Variants in PTPRU observed in about 807,000 individuals in gnomAD.
PTPRU encodes the protein receptor-type tyrosine-protein phosphatase U.
In PTPRU, 69 loss-of-function variants were observed where a neutral mutation model predicts 166.3. That is an observed-to-expected ratio of 0.41 (90% confidence interval 0.34 to 0.51). The LOEUF is 0.51. Ranked by LOEUF, PTPRU falls within the 20% of genes least tolerant of loss-of-function variation. PTPRU has a pLI of 0.09. For missense variants in PTPRU, 1,657 were observed against 2,013.7 expected (o/e 0.82, Z 3.39); for synonymous variants, 793 against 814.0 (o/e 0.97, Z 0.44).
chr1:29,249,441 C>T (rs1366583053), intron 1 of PTPRU, among the ~76,000 whole-genome samples: 1 of 152,226 alleles, frequency 6.6e-6, no homozygotes, highest in Admixed American at 6.5e-5. Flanking sequence ...GCTGGGGGAG[C>T]CCTTGGGGGT....
intron 1 of PTPRU, among the ~76,000 whole-genome samples, chr1:29,243,713 C>G (rs1203255656): frequency 6.6e-6 from 1 of 152,228 alleles, no homozygotes; most frequent in Non-Finnish European, 1.5e-5. Flanking sequence ...CCCCCAGGGG[C>G]TGAGCTGTGT....
chr1:29,240,924 C>CGGAGGGAAGGGAGGAGAACTGCAT (rs1553360268), intron 1 of PTPRU, among the ~76,000 whole-genome samples: 27 of 152,178 alleles, frequency 1.8e-4, no homozygotes, highest in African/African-American at 6.3e-4. Context: ...GCTTGTGCAC[C>CGGAGGGAAGGGAGGAGAACTGCAT]GGAGGGAAGG....
At chr1:29,273,382 C>T (rs762453551) in intron 7 of PTPRU, among the ~76,000 whole-genome samples, 23 of 152,286 alleles carry the variant, frequency 1.5e-4, no homozygotes, top group South Asian at 1.0e-3. Flanking sequence ...AATACTCCTG[C>T]TTCAGCTCCC....
chr1:29,259,212 C>T, intron 3 of PTPRU, 49 bp from the exon 4 acceptor site: 1 of 1,559,804 alleles, frequency 6.4e-7, no homozygotes, highest in Non-Finnish European at 8.8e-7. Flanking sequence ...CCTCCCCAGG[C>T]AAGGCTGGAG....
chr1:29,289,578 G>T, intron 14 of PTPRU: 1 of 1,404,014 alleles, frequency 7.1e-7, no homozygotes, highest in Non-Finnish European at 1.0e-6. Context: ...TCCCCAGCCC[G>T]GGAGGTACCC....
intron 7 of PTPRU, among the ~76,000 whole-genome samples, chr1:29,267,816 C>T (rs1685370374): frequency 6.6e-6 from 1 of 152,188 alleles, no homozygotes; most frequent in Admixed American, 6.5e-5. Flanking sequence ...GAATGTTCTC[C>T]AGGAGGGCAA....
chr1:29,236,767 C>A lies in PTPRU; in HGVS notation c.73+50C>A. The A allele has an allele frequency of 7.3e-7, 1 of 1,366,842 alleles. No individual in the cohort carries two copies. Among genetic ancestry groups the A allele is most frequent in the Non-Finnish European group, 9.5e-7 (1 of 1,056,186 alleles). The allele number at this position is 1,366,842 out of a possible 1,614,324, so 84.7% of individuals were successfully genotyped here. A position where few individuals can be genotyped will look rare whatever the true frequency, so the allele number is the denominator to read the frequency against. ...GCCTGCCCCGCCGAGCCTCGGGGCC[C>A]GTGGCGTAGCTCGGAAGAAAGTGTG... On this transcript the variant is annotated intron_variant, in intron 1 of 29. Coordinates refer to ENST00000373779, the MANE Select transcript of PTPRU (RefSeq NM_133178.4). This position sits in a 1 kb window ranked among gnomAD's most constrained non-coding sequence, Gnocchi z 4.6.
At chr1:29,289,861 T>A in intron 14 of PTPRU, 1 of 880,330 alleles carries the variant, frequency 1.1e-6, no homozygotes. Flanking sequence ...CCTCTGACTT[T>A]CTTTCCTCTG....
chr1:29,305,442 C>T lies in PTPRU; in HGVS notation c.2820+14C>T. On this transcript the variant is annotated intron_variant, in intron 18 of 29. Coordinates refer to ENST00000373779, the MANE Select transcript of PTPRU (RefSeq NM_133178.4). ...AACTACATAGATGTGAGTGCCTTGC[C>T]CTGTCATTTCTGCAGACCTGGCCCT... 6.2e-7 allele frequency: 1 copy of T among 1,611,744 alleles called. No individual in the cohort carries two copies. Among genetic ancestry groups the T allele is most frequent in the South Asian group, 1.1e-5 (1 of 91,014 alleles).
chr1:29,272,793 G>A (rs761286578), intron 7 of PTPRU, among the ~76,000 whole-genome samples: 1 of 150,904 alleles, frequency 6.6e-6, no homozygotes, highest in Non-Finnish European at 1.5e-5. Context: ...TGTAGTGCCA[G>A]CTACTTGGGG....
At position 29,260,462 on chromosome 1, in the gene PTPRU, A is replaced by T. The variant is rs1049169699; in HGVS notation, c.851-148A>T. 8.2e-6 allele frequency: 5 copies of T among 606,250 alleles called. No individual in the cohort carries two copies. Among genetic ancestry groups the T allele is most frequent in the Non-Finnish European group, 1.0e-5 (4 of 382,576 alleles). 37.6% of individuals were successfully genotyped at this position (606,250 alleles called of 1,614,324 possible). ...TTAGGGCCCGGGATTTAGTGGGGGTAGGAGAGCGGGTCTGGTTGAGGGCTT... is the reference window on the plus strand; with the variant it reads ...TTAGGGCCCGGGATTTAGTGGGGGTTGGAGAGCGGGTCTGGTTGAGGGCTT... On this transcript the variant is annotated intron_variant, in intron 6 of 29. Coordinates refer to ENST00000373779, the MANE Select transcript of PTPRU (RefSeq NM_133178.4). This position sits in a 1 kb window ranked among gnomAD's most constrained non-coding sequence, Gnocchi z 8.3.
intron 14 of PTPRU, among the ~76,000 whole-genome samples, chr1:29,287,592 T>TG (rs1438339431): frequency 1.3e-5 from 2 of 148,402 alleles, no homozygotes; most frequent in African/African-American, 5.0e-5. Context: ...TGTGTATGTA[T>TG]GTTTTTTTTT....
At chr1:29,289,293 G>A (rs1216820064) in intron 14 of PTPRU, among the ~76,000 whole-genome samples, 5 of 152,140 alleles carry the variant, frequency 3.3e-5, no homozygotes, top group Admixed American at 6.5e-5. Context: ...GTGTATGCAT[G>A]TCTGCACCTG....
rs755926852 is a variant in PTPRU at position 29,255,376 on chromosome 1, G to A, written c.175G>A (p.Gly59Ser). Reference protein sequence around the residue: ...FQWEQVRIHPGTRAPADLPHG... With the variant: ...FQWEQVRIHPSTRAPADLPHG... ...GTGGGAGCAAGTGCGAATCCACCCT[G>A]GCACCCGGGCACCTGCGGACCTGCC... Residue 59 changes from glycine to serine, a missense_variant, in exon 2 of 30, where the codon GGC becomes AGC. Around this residue, in one of 3 missense-constraint regions of PTPRU, gnomAD observed 453 missense variants for 496.9 expected, o/e 0.91. Coordinates refer to ENST00000373779, the MANE Select transcript of PTPRU (RefSeq NM_133178.4). 8.7e-6 allele frequency: 14 copies of A among 1,613,982 alleles called. No individual in the cohort carries two copies. The highest frequency in any genetic ancestry group is 1.7e-5 in the Admixed American group (1 of 59,998).
intron 8 of PTPRU, among the ~76,000 whole-genome samples, chr1:29,276,678 T>G (rs1685821261): frequency 6.6e-6 from 1 of 152,238 alleles, no homozygotes; most frequent in African/African-American, 2.4e-5. Context: ...ATCTTTTTCA[T>G]TTCTGATATT....
intron 15 of PTPRU, among the ~76,000 whole-genome samples, chr1:29,297,229 A>AT (rs1165382425): frequency 3.3e-5 from 5 of 151,232 alleles, no homozygotes; most frequent in Non-Finnish European, 7.4e-5. Flanking sequence ...TAATTTTTGT[A>AT]TTTTTTGTAG....
intron 1 of PTPRU, among the ~76,000 whole-genome samples, chr1:29,252,657 A>G (rs1018779723): frequency 5.9e-5 from 9 of 152,210 alleles, no homozygotes; most frequent in Non-Finnish European, 1.3e-4. Flanking sequence ...GCCTCCTAAA[A>G]GTGAAGTCGC....
intron 1 of PTPRU, among the ~76,000 whole-genome samples, chr1:29,250,156 A>C (rs1684486226): frequency 6.7e-6 from 1 of 149,718 alleles, no homozygotes; most frequent in African/African-American, 2.5e-5. Context: ...CCTCCCCTGG[A>C]CCCCCTCTTG....
At position 29,304,065 on chromosome 1, in the gene PTPRU, C is replaced by T; in HGVS notation, c.2667+20C>T. The T allele has an allele frequency of 6.3e-7, 1 of 1,591,776 alleles. No homozygotes were observed. The highest frequency in any genetic ancestry group is 8.6e-7 in the Non-Finnish European group (1 of 1,164,236). ...TATGAGGTGCACGCCGGCCCCGGGC[C>T]AGCAGGATCCCTGCAGAGGCCTCAC... On this transcript the variant is annotated intron_variant, in intron 16 of 29. Transcript: ENST00000373779.
Sources: allele counts gnomAD v4.1 joint callset (sites outside exome capture counted in the v4.1 genomes callset), GRCh38; gene constraint gnomAD v4.1.1; regional missense constraint gnomAD v4.1.1; non-coding constraint Gnocchi (gnomAD v3.1); transcripts MANE v1.5; gene names NCBI Gene and HGNC (gene_info 2026-07-23, HGNC 2026-07-21).